Variants in GPC4 observed in about 807,000 individuals in gnomAD.
GPC4 encodes glypican-4.
A neutral mutation model predicts 35.0 loss-of-function variants in GPC4; 10 were observed. The observed-to-expected ratio is 0.29, with a 90% confidence interval of 0.18 to 0.48. GPC4 has a LOEUF of 0.48. Ranked by LOEUF, GPC4 falls within the 20% of genes least tolerant of loss-of-function variation. GPC4 has a pLI of 0.99. For missense variants in GPC4, 322 were observed against 451.3 expected, an observed-to-expected ratio of 0.71 and a Z score of 2.60; for synonymous variants, 167 against 170.2, an observed-to-expected ratio of 0.98 and a Z score of 0.15.
At chrX:133,374,478 T>G (rs1165446884) in intron 1 of GPC4, among the ~76,000 whole-genome samples, 3 of 111,648 alleles carry the variant, frequency 2.7e-5, no homozygotes, top group Non-Finnish European at 5.6e-5. Context: ...TAAGGAAACC[T>G]TTCAAAATTT....
chrX:133,327,127 C>T (rs2068397467), intron 2 of GPC4, among the ~76,000 whole-genome samples: 1 of 112,570 alleles, frequency 8.9e-6, no homozygotes, highest in Non-Finnish European at 1.9e-5. Flanking sequence ...CAACAGCTAC[C>T]ACATGTCCTT....
At chrX:133,382,583 G>T (rs2068667151) in intron 1 of GPC4, among the ~76,000 whole-genome samples, 1 of 108,036 alleles carries the variant, frequency 9.3e-6, no homozygotes, top group Admixed American at 1.0e-4. Flanking sequence ...AAAAAAATTA[G>T]CCAGGCGTGG....
At chrX:133,305,066 A>G (rs2068284814) in intron 6 of GPC4, among the ~76,000 whole-genome samples, 1 of 112,025 alleles carries the variant, frequency 8.9e-6, no homozygotes, top group African/African-American at 3.2e-5. Flanking sequence ...GCAAGCTCCA[A>G]AGGAGTGGCC....
chrX:133,314,720 T>C (rs1266529167), intron 3 of GPC4, among the ~76,000 whole-genome samples: 1 of 112,194 alleles, frequency 8.9e-6, no homozygotes, highest in African/African-American at 3.2e-5. Context: ...CCATGCACTA[T>C]TTCACATGAA....
chrX:133,399,699 T>C (rs1262810852), intron 1 of GPC4, among the ~76,000 whole-genome samples: 2 of 111,783 alleles, frequency 1.8e-5, no homozygotes, highest in Admixed American at 1.9e-4. Context: ...GTGGGAACTT[T>C]TGCACTAAAA....
At chrX:133,375,471 A>G (rs964473781) in intron 1 of GPC4, among the ~76,000 whole-genome samples, 2 of 112,473 alleles carry the variant, frequency 1.8e-5, no homozygotes, top group African/African-American at 6.5e-5. Flanking sequence ...AAAGGTAAAA[A>G]CCATCAAAAC....
chrX:133,305,625 C>T lies in GPC4; in HGVS notation c.1155+147G>A, dbSNP rs775475945. On this transcript the variant is annotated intron_variant, in intron 6 of 8. Transcript: ENST00000370828. ...TTTCTGGGCTAGAAAATGGGACAGGCAGATTGACTGACATCCACATCCTAT... is the reference window on the plus strand; with the variant it reads ...TTTCTGGGCTAGAAAATGGGACAGGTAGATTGACTGACATCCACATCCTAT... The T allele has an allele frequency of 6.8e-6, 5 of 736,334 alleles. No individual in the cohort carries two copies. In the East Asian group the frequency reaches 1.3e-4, roughly 19 times the overall value. 60.7% of individuals were successfully genotyped at this position (736,334 alleles called of 1,213,427 possible).
chrX:133,414,830 C>G lies in GPC4; in HGVS notation c.136G>C (p.Asp46His). The change falls in exon 1 of 9, where the codon GAT becomes CAT. Residue 46 changes from aspartate to histidine, a missense_variant. Physicochemically the swap from Asp to His is moderately conservative, Grantham distance 81. Around this residue, in one of 3 missense-constraint regions of GPC4, gnomAD observed 60 missense variants for 64.1 expected, o/e 0.94. Coordinates refer to ENST00000370828, the MANE Select transcript of GPC4 (RefSeq NM_001448.3). ...LYVSKGFNKN[D>H]APLHEINGDH... is the part of the protein sequence containing the mutation. ...CCGTTGATCTCGTGGAGGGGGGCATCGTTCTTGTTGAAGCCTTTGGACACG... is the reference window on the plus strand; with the variant it reads ...CCGTTGATCTCGTGGAGGGGGGCATGGTTCTTGTTGAAGCCTTTGGACACG... 8.3e-7 allele frequency: 1 copy of G among 1,211,725 alleles called. No homozygotes were observed. Among genetic ancestry groups the G allele is most frequent in the Non-Finnish European group, 1.1e-6 (1 of 895,371 alleles).
At chrX:133,319,443 CAAAAAAAAAA>C (rs369290840) in intron 3 of GPC4, among the ~76,000 whole-genome samples, 315 of 16,886 alleles carry the variant, frequency 0.019, 9 homozygotes, top group African/African-American at 0.053. Context: ...GACCCTATGT[CAAAAAAAAAA>C]AAAAAAAAAA....
At chrX:133,372,432 C>A (rs762627341) in intron 1 of GPC4, among the ~76,000 whole-genome samples, 2 of 109,616 alleles carry the variant, frequency 1.8e-5, no homozygotes, top group Admixed American at 2.0e-4. Context: ...CTTTCAAAGT[C>A]CCTCCTTTTT....
intron 1 of GPC4, among the ~76,000 whole-genome samples, chrX:133,393,218 T>A (rs1041421133): frequency 9.9e-5 from 11 of 111,082 alleles, no homozygotes; most frequent in Admixed American, 9.6e-4. Flanking sequence ...TTAGGAAGGG[T>A]TTTGTTTGGG....
rs764079353 is a variant in GPC4, at chrX:133,342,281, C to G, written c.161-2940G>C. 3.6e-5 allele frequency among the ~76,000 whole-genome samples: 4 copies of G among 110,673 alleles called. No individual in the cohort carries two copies. The South Asian group carries it at 1.6e-3, about 43-fold the overall frequency. On this transcript the variant is annotated intron_variant, in intron 1 of 8. Coordinates refer to ENST00000370828, the MANE Select transcript of GPC4 (RefSeq NM_001448.3). ...CGAACTCCTGACCTCAGGTGATCCA[C>G]CCGCCTCGGCCTCCCAAAGTGCTGG...
intron 1 of GPC4, among the ~76,000 whole-genome samples, chrX:133,347,779 T>C (rs112143140): frequency 2.6e-4 from 29 of 110,247 alleles, no homozygotes; most frequent in Middle Eastern, 4.6e-3. Context: ...ATGTGCTATG[T>C]GCATCCAAAG....
At chrX:133,396,105 T>G (rs2068741607) in intron 1 of GPC4, among the ~76,000 whole-genome samples, 1 of 111,796 alleles carries the variant, frequency 8.9e-6, no homozygotes, top group South Asian at 3.7e-4. Context: ...ATCAAAATTT[T>G]CCTTCATTTC....
intron 1 of GPC4, among the ~76,000 whole-genome samples, chrX:133,349,994 T>C (rs1226426325): frequency 8.9e-6 from 1 of 111,746 alleles, no homozygotes; most frequent in East Asian, 2.8e-4. Context: ...AAAGGGAAGG[T>C]AAAAGCTGTC....
Position 133,324,467 on chromosome X carries a change from T to C in GPC4, c.389A>G (p.His130Arg). 7 of 1,199,215 alleles carry C rather than the reference T, an allele frequency of 5.8e-6. No homozygotes were observed. The highest frequency in any genetic ancestry group is 7.9e-6 in the Non-Finnish European group (7 of 889,242). Residue 130 changes from histidine (H) to arginine (R), a missense_variant, in exon 3 of 9, where the codon CAT becomes CGT. Coordinates refer to ENST00000370828, the MANE Select transcript of GPC4 (RefSeq NM_001448.3). ...LNDMFVKTYG[H>R]LYMQNSELFK... Reference sequence around the variant, plus strand: ...TAGCTCAGAATTTTGCATGTATAAATGGCCATATGTCTTCACAAACATATC... The same window carrying C: ...TAGCTCAGAATTTTGCATGTATAAACGGCCATATGTCTTCACAAACATATC...
At chrX:133,413,637 C>T (rs748082219) in intron 1 of GPC4, among the ~76,000 whole-genome samples, 72 of 110,767 alleles carry the variant, frequency 6.5e-4, no homozygotes, top group African/African-American at 2.3e-3. Context: ...TCAGCCCCCC[C>T]CCCGGGCTCG....
intron 1 of GPC4, among the ~76,000 whole-genome samples, chrX:133,370,334 T>G (rs2068607179): frequency 1.8e-5 from 2 of 112,035 alleles, no homozygotes; most frequent in African/African-American, 6.5e-5. Flanking sequence ...GGAGCCATTT[T>G]GCAAGAATTG....
intron 7 of GPC4, 95 bp downstream of exon 7, chrX:133,304,630 C>T: frequency 1.9e-6 from 2 of 1,049,129 alleles, no homozygotes; most frequent in Non-Finnish European, 2.6e-6. Context: ...GAATTGCTTC[C>T]TGATGCCTCG....
Sources: allele counts gnomAD v4.1 joint callset (sites outside exome capture counted in the v4.1 genomes callset), GRCh38; gene constraint gnomAD v4.1.1; regional missense constraint gnomAD v4.1.1; transcripts MANE v1.5; gene names NCBI Gene and HGNC (gene_info 2026-07-23, HGNC 2026-07-21).